FTO: variants seen among roughly 807,000 people sequenced by gnomAD.
The protein encoded by FTO is alpha-ketoglutarate-dependent dioxygenase FTO.
FTO carries 47 observed loss-of-function variants against 63.9 expected under a neutral mutation model. The ratio of observed to expected loss-of-function variants is 0.74; its 90% CI spans 0.58 to 0.94. The LOEUF (loss-of-function observed/expected upper bound fraction) is 0.94. FTO is among the 40% of genes least tolerant of loss of function. The pLI, the probability that FTO is intolerant of heterozygous loss-of-function variation, is 0.00. For missense variants in FTO, 562 were observed against 618.1 expected (o/e 0.91, Z 0.96); for synonymous variants, 207 against 224.4 (o/e 0.92, Z 0.69).
chr16:53,891,257 G>C (rs1242496566), intron 7 of FTO, among the ~76,000 whole-genome samples: 1 of 151,826 alleles, frequency 6.6e-6, no homozygotes, highest in Admixed American at 6.6e-5. Flanking sequence ...CTCCCAGAGT[G>C]TTGGGATTAC....
chr16:53,797,714 T>C (rs1029088586), intron 1 of FTO, among the ~76,000 whole-genome samples: 2 of 152,112 alleles, frequency 1.3e-5, no homozygotes, highest in Non-Finnish European at 1.5e-5. Flanking sequence ...TATATATATT[T>C]TTATGAAAGT....
intron 8 of FTO, among the ~76,000 whole-genome samples, chr16:54,076,458 G>C (rs950619597): frequency 2.0e-5 from 3 of 152,168 alleles, no homozygotes; most frequent in Non-Finnish European, 4.4e-5. Flanking sequence ...ACAGGGAAAA[G>C]AATAGCAGGA....
At chr16:53,705,236 T>C (rs1309609537) in intron 1 of FTO, among the ~76,000 whole-genome samples, 1 of 152,178 alleles carries the variant, frequency 6.6e-6, no homozygotes, top group Admixed American at 6.5e-5. Context: ...CCTTTCTCCT[T>C]ACTCTGCCAA....
intron 8 of FTO, among the ~76,000 whole-genome samples, chr16:54,003,197 C>G (rs946979032): frequency 4.6e-5 from 7 of 152,168 alleles, no homozygotes; most frequent in African/African-American, 1.4e-4. Flanking sequence ...ACTGGCTGCC[C>G]TCAGGAGTTC....
rs183205073 is a variant in FTO at position 53,861,963 on chromosome 16, C to T, written c.896-11823C>T. On this transcript the variant is annotated intron_variant, in intron 4 of 8. Coordinates refer to ENST00000471389, the MANE Select transcript of FTO (RefSeq NM_001080432.3). ...AGTATCAAACTTCCCCCTTAAAACT[C>T]TGTAGAGGCTGGGTGCAGTGGCTCA... Among the ~76,000 whole-genome samples the T allele has an allele frequency of 8.5e-4, 129 of 152,148 alleles. 1 individual carries two copies. The highest frequency in any genetic ancestry group is 2.8e-3 in the African/African-American group (115 of 41,548).
intron 1 of FTO, chr16:53,764,342 G>T (rs1244207904): frequency 2.0e-5 from 3 of 152,332 alleles, no homozygotes; most frequent in Non-Finnish European, 4.4e-5. Context: ...ATAAAGAAAA[G>T]AGGGTGTGGC....
At chr16:53,974,850 C>T (rs763360973) in intron 8 of FTO, among the ~76,000 whole-genome samples, 132 of 152,048 alleles carry the variant, frequency 8.7e-4, no homozygotes, top group Non-Finnish European at 2.1e-4. Flanking sequence ...GAAATAATCT[C>T]CTCAAGTTAC....
At chr16:53,920,493 G>T (rs1210676236) in intron 7 of FTO, among the ~76,000 whole-genome samples, 2 of 152,152 alleles carry the variant, frequency 1.3e-5, no homozygotes, top group Non-Finnish European at 2.9e-5. Flanking sequence ...CCTACATAGG[G>T]CACATATAAA....
chr16:53,903,458 T>G (rs890824416), intron 7 of FTO, among the ~76,000 whole-genome samples: 1 of 152,026 alleles, frequency 6.6e-6, no homozygotes, highest in East Asian at 1.9e-4. Context: ...AGGGTTTTGT[T>G]ATGTTGGCTA....
chr16:53,745,825 T>C (rs1159452040), intron 1 of FTO, among the ~76,000 whole-genome samples: 1 of 152,156 alleles, frequency 6.6e-6, no homozygotes, highest in African/African-American at 2.4e-5. Flanking sequence ...AGCCCTATAA[T>C]GTGATCCCAG....
intron 1 of FTO, among the ~76,000 whole-genome samples, chr16:53,705,329 G>C (rs1237622955): frequency 6.6e-6 from 1 of 152,134 alleles, no homozygotes; most frequent in Admixed American, 6.5e-5. Flanking sequence ...GATCCTGCAT[G>C]ATCTGGACCC....
intron 7 of FTO, chr16:53,911,123 A>G: frequency 2.2e-6 from 1 of 460,332 alleles, no homozygotes; most frequent in Non-Finnish European, 3.9e-6. Flanking sequence ...TGCAGTAGGC[A>G]TTCCTTTCAT....
chr16:53,720,401 C>T (rs943489686), intron 1 of FTO, among the ~76,000 whole-genome samples: 2 of 151,736 alleles, frequency 1.3e-5, no homozygotes, highest in African/African-American at 4.8e-5. Flanking sequence ...ATTCTTATCT[C>T]ATCCACCACT....
In FTO at chr16:53,968,041, C is replaced by T. The variant is rs140614093; in HGVS notation, c.1364+33932C>T. On this transcript the variant is annotated intron_variant, in intron 8 of 8. Coordinates refer to ENST00000471389, the MANE Select transcript of FTO (RefSeq NM_001080432.3). ...TATATGTGTGTGTTCACATATTATG[C>T]AGCCTTCATATGTATATAAAAGAAA... Among the ~76,000 whole-genome samples the T allele has an allele frequency of 7.2e-4, 109 of 152,264 alleles. 1 individual carries two copies. The highest frequency in any genetic ancestry group is 2.6e-3 in the African/African-American group (106 of 41,546).
chr16:53,890,158 G>A (rs1037208567), intron 7 of FTO, among the ~76,000 whole-genome samples: 1 of 152,162 alleles, frequency 6.6e-6, no homozygotes, highest in Non-Finnish European at 1.5e-5. Flanking sequence ...AAACTCTGGA[G>A]ATAGTACCTC....
chr16:53,873,654 G>A (rs1047204940), intron 4 of FTO, 132 bp from the exon 5 acceptor site: 1 of 688,744 alleles, frequency 1.5e-6, no homozygotes, highest in East Asian at 3.0e-5. Context: ...TACAAGGTAA[G>A]TATTGATTCC....
In FTO at chr16:54,112,489, A is replaced by C. The variant is rs2086911978; in HGVS notation, c.*574A>C. The C allele has an allele frequency of 6.5e-6, 1 of 154,588 alleles. No individual in the cohort carries two copies. Among genetic ancestry groups the C allele is most frequent in the Non-Finnish European group, 1.4e-5 (1 of 69,530 alleles). 9.6% of individuals were successfully genotyped at this position (154,588 alleles called of 1,614,324 possible). A position where few individuals can be genotyped will look rare whatever the true frequency, so the allele number is the denominator to read the frequency against. On this transcript the variant is annotated 3_prime_UTR_variant, in exon 9 of 9. Transcript: ENST00000471389. ...TAGTGACTGCTGTATTGGACGGTACAGATATGGAACATTTTCATCATCGAA... is the reference window on the plus strand; with the variant it reads ...TAGTGACTGCTGTATTGGACGGTACCGATATGGAACATTTTCATCATCGAA...
intron 3 of FTO, among the ~76,000 whole-genome samples, chr16:53,841,454 T>C (rs1406783601): frequency 6.6e-6 from 1 of 152,188 alleles, no homozygotes; most frequent in African/African-American, 2.4e-5. Context: ...ACTGTTAATA[T>C]GGCAGTGTTA....
At chr16:53,916,187 GAAATGTAGTTTAT>G (rs1471755837) in intron 7 of FTO, among the ~76,000 whole-genome samples, 1 of 152,160 alleles carries the variant, frequency 6.6e-6, no homozygotes, top group Non-Finnish European at 1.5e-5. Flanking sequence ...AAAACTGAAT[GAAATGTAGTTTAT>G]AACTCTGGAC....
Sources: gnomAD v4.1 joint callset for allele counts (sites outside exome capture counted in the v4.1 genomes callset) on GRCh38, gnomAD v4.1.1 for gene constraint, MANE v1.5 for transcripts, NCBI Gene and HGNC (gene_info 2026-07-23, HGNC 2026-07-21) for gene names.